The following TRIM55 variants were observed in gnomAD, a reference collection of about 807,000 sequenced individuals.
TRIM55 encodes tripartite motif-containing protein 55.
Under a neutral mutation model 60.9 loss-of-function variants are expected in TRIM55, and 50 were observed. That is an observed-to-expected ratio of 0.82 (90% CI 0.65 to 1.04). The LOEUF is 1.04. Among genes scored for constraint, TRIM55 ranks in the 50% least tolerant of loss-of-function variants. The probability of loss-of-function intolerance (pLI) is 0.00; values close to 1 mark genes in which losing one functional copy is unlikely to be tolerated. For synonymous variants in TRIM55, 237 were observed against 238.1 expected (o/e 1.00, Z 0.04); for missense variants, 681 against 666.9 (o/e 1.02, Z -0.23).
At chr8:66,151,346 A>G (rs758741171) in intron 7 of TRIM55, among the ~76,000 whole-genome samples, 15 of 152,140 alleles carry the variant, frequency 9.9e-5, no homozygotes, top group Non-Finnish European at 1.8e-4. Flanking sequence ...GTGAAAAACA[A>G]TCTTGGAGCT....
the TRIM55 span, among the ~76,000 whole-genome samples, chr8:66,113,979 T>C: frequency 6.6e-6 from 1 of 150,554 alleles, no homozygotes; most frequent in South Asian, 2.1e-4. Flanking sequence ...CGGGAAGCTG[T>C]GCCCGCTCCC....
intron 1 of TRIM55, 91 bp from the exon 2 acceptor site, chr8:66,128,213 T>C: frequency 8.2e-7 from 1 of 1,224,712 alleles, no homozygotes; most frequent in Non-Finnish European, 1.1e-6. Context: ...TAGAAGTTCA[T>C]GTTGTTTGTA....
intron 8 of TRIM55, 56 bp from the exon 9 acceptor site, chr8:66,153,991 C>G: frequency 1.3e-6 from 2 of 1,508,170 alleles, no homozygotes; most frequent in Non-Finnish European, 1.8e-6. Flanking sequence ...ACTGCTTTTT[C>G]TTCTTCTTCT....
At chr8:66,167,190 AC>A (rs1231271837) in intron 9 of TRIM55, among the ~76,000 whole-genome samples, 1 of 152,182 alleles carries the variant, frequency 6.6e-6, no homozygotes, top group South Asian at 2.1e-4. Context: ...TCCTAGAGTT[AC>A]TTTGAGCAAG....
chr8:66,137,525 C>A (rs1008882539), intron 4 of TRIM55, among the ~76,000 whole-genome samples: 1 of 152,152 alleles, frequency 6.6e-6, no homozygotes, highest in South Asian at 2.1e-4. Flanking sequence ...GGTGGAAATC[C>A]AAACTGTCTT....
intron 9 of TRIM55, chr8:66,155,769 C>T (rs1043999692): frequency 3.4e-6 from 4 of 1,190,206 alleles, no homozygotes; most frequent in Non-Finnish European, 4.9e-6. Context: ...CCATAATGTT[C>T]CTCTTCTATA....
intron 8 of TRIM55, 124 bp from the exon 9 acceptor site, chr8:66,153,923 A>G: frequency 1.1e-6 from 1 of 931,022 alleles, no homozygotes; most frequent in Non-Finnish European, 1.6e-6. Flanking sequence ...TAAAACGGCC[A>G]CCAAGGCACT....
At chr8:66,145,765 C>T (rs1251809922) in intron 4 of TRIM55, among the ~76,000 whole-genome samples, 2 of 152,082 alleles carry the variant, frequency 1.3e-5, no homozygotes, top group Admixed American at 1.3e-4. Context: ...CCTTGGCCTC[C>T]CAAAGTGCTA....
chr8:66,138,393 TTTTG>T (rs1809607294), intron 4 of TRIM55, among the ~76,000 whole-genome samples: 1 of 152,140 alleles, frequency 6.6e-6, no homozygotes, highest in African/African-American at 2.4e-5. Flanking sequence ...TTTTTGGGGT[TTTTG>T]TTTGTTTTTT....
chr8:66,133,035 C>G (rs997413414), intron 2 of TRIM55, among the ~76,000 whole-genome samples: 1 of 152,190 alleles, frequency 6.6e-6, no homozygotes, highest in African/African-American at 2.4e-5. Flanking sequence ...CCCACTCTTG[C>G]TTAGCCCACA....
intron 9 of TRIM55, among the ~76,000 whole-genome samples, chr8:66,172,049 A>G (rs1811669978): frequency 6.6e-6 from 1 of 151,872 alleles, no homozygotes; most frequent in Non-Finnish European, 1.5e-5. Flanking sequence ...CTGTTGAAAG[A>G]AAGGAGGGGG....
At chr8:66,126,074 A>C (rs1201592465), upstream of TRIM55, among the ~76,000 whole-genome samples, 1 of 152,362 alleles carries the variant, frequency 6.6e-6, no homozygotes, top group Admixed American at 6.5e-5. Context: ...AGAATATCAG[A>C]AATGACCAGA....
intron 1 of TRIM55, 87 bp from the exon 2 acceptor site, chr8:66,128,217 G>T (rs1808932866): frequency 2.4e-6 from 3 of 1,269,266 alleles, no homozygotes; most frequent in East Asian, 2.4e-5. Context: ...AGTTCATGTT[G>T]TTTGTAGTAG....
At chr8:66,121,015 T>A in the TRIM55 span, among the ~76,000 whole-genome samples, 1 of 152,210 alleles carries the variant, frequency 6.6e-6, no homozygotes, top group Non-Finnish European at 1.5e-5. Flanking sequence ...CCATTGCAGA[T>A]CTACATCTCT....
intron 9 of TRIM55, among the ~76,000 whole-genome samples, chr8:66,170,604 C>T (rs1811572079): frequency 6.6e-6 from 1 of 151,826 alleles, no homozygotes; most frequent in African/African-American, 2.4e-5. Flanking sequence ...TTTTTGTTTG[C>T]AACGAATTCA....
At chr8:66,114,238 C>T in the TRIM55 span, among the ~76,000 whole-genome samples, 173 of 152,152 alleles carry the variant, frequency 1.1e-3, 1 homozygote, top group Non-Finnish European at 1.8e-3. Flanking sequence ...CGAGAGGTAG[C>T]GGGATCGATG....
chr8:66,154,603 C>T (rs1312476810), intron 9 of TRIM55, among the ~76,000 whole-genome samples: 2 of 152,194 alleles, frequency 1.3e-5, no homozygotes, highest in East Asian at 1.9e-4. Flanking sequence ...GTGAGCCTGG[C>T]CCTTAGGCAT....
the TRIM55 span, among the ~76,000 whole-genome samples, chr8:66,121,406 G>A: frequency 1.3e-5 from 2 of 152,234 alleles, no homozygotes; most frequent in Non-Finnish European, 2.9e-5. Context: ...TGGAAGTGGG[G>A]CAAGCAATGC....
At chr8:66,172,532 A>G (rs1811700437) in intron 9 of TRIM55, among the ~76,000 whole-genome samples, 1 of 152,236 alleles carries the variant, frequency 6.6e-6, no homozygotes, top group Non-Finnish European at 1.5e-5. Context: ...GCCAACCCAA[A>G]CTATGTAATC....
Sources: gnomAD v4.1 joint callset for allele counts (sites outside exome capture counted in the v4.1 genomes callset) on GRCh38, gnomAD v4.1.1 for gene constraint, MANE v1.5 for transcripts, NCBI Gene and HGNC (gene_info 2026-07-23, HGNC 2026-07-21) for gene names.